The following CHD6 variants were observed in gnomAD, a reference collection of about 807,000 sequenced individuals.
The protein encoded by CHD6 is ATP-dependent chromatin remodeler CHD6.
CHD6 carries 50 observed loss-of-function variants against 276.9 expected under a neutral mutation model. The observed-to-expected ratio is 0.18, with a 90% CI of 0.14 to 0.23. CHD6 has a LOEUF of 0.23. CHD6 is among the 10% of genes least tolerant of loss of function. CHD6 has a pLI of 1.00. For synonymous variants in CHD6, 1,173 were observed against 1,229.3 expected, an observed-to-expected ratio of 0.95 and a Z score of 0.96; for missense variants, 2,564 against 3,365.8, an observed-to-expected ratio of 0.76 and a Z score of 5.89.
chr20:41,425,415 A>T, intron 28 of CHD6, 21 bp from the exon 29 acceptor site: 1 of 1,600,738 alleles, frequency 6.2e-7, no homozygotes. Flanking sequence ...CAGTGAGGAT[A>T]TTAGTATTTA....
At chr20:41,588,810 T>A (rs1286595387) in intron 1 of CHD6, among the ~76,000 whole-genome samples, 1 of 152,152 alleles carries the variant, frequency 6.6e-6, no homozygotes, top group Non-Finnish European at 1.5e-5. Flanking sequence ...GATCTCCCCT[T>A]TCTCCCCTTA....
At chr20:41,611,585 G>A (rs749886071) in intron 1 of CHD6, among the ~76,000 whole-genome samples, 10 of 151,908 alleles carry the variant, frequency 6.6e-5, no homozygotes, top group South Asian at 2.1e-4. Flanking sequence ...ACCCTAGGTG[G>A]TCTATTTCAG....
intron 1 of CHD6, among the ~76,000 whole-genome samples, chr20:41,570,604 G>C (rs545638157): frequency 6.6e-6 from 1 of 152,282 alleles, no homozygotes; most frequent in Non-Finnish European, 1.5e-5. Context: ...TAGATTCTCA[G>C]CCTTCTGTGA....
intron 3 of CHD6, among the ~76,000 whole-genome samples, chr20:41,520,828 A>T (rs1055423492): frequency 2.0e-5 from 3 of 151,884 alleles, no homozygotes; most frequent in South Asian, 2.1e-4. Context: ...AATAATAATT[A>T]AAAAAAAATT....
chr20:41,445,613 C>G, intron 25 of CHD6, 52 bp downstream of exon 25: 2 of 1,236,468 alleles, frequency 1.6e-6, no homozygotes, highest in Non-Finnish European at 2.4e-6. Flanking sequence ...CTGAACTCAT[C>G]CTTCCTGGGG....
intron 31 of CHD6, 120 bp downstream of exon 31, chr20:41,420,388 G>A: frequency 9.2e-7 from 1 of 1,086,268 alleles, no homozygotes; most frequent in South Asian, 1.5e-5. Context: ...CCTTTGGTGA[G>A]GGTAGGCAGG....
intron 2 of CHD6, among the ~76,000 whole-genome samples, chr20:41,537,645 T>C (rs1460562310): frequency 6.6e-6 from 1 of 151,994 alleles, no homozygotes; most frequent in Non-Finnish European, 1.5e-5. Context: ...TACAAGTCAA[T>C]AATAAAAAAG....
chr20:41,610,383 T>C (rs1314079399), intron 1 of CHD6, among the ~76,000 whole-genome samples: 1 of 152,006 alleles, frequency 6.6e-6, no homozygotes, highest in African/African-American at 2.4e-5. Context: ...TTTAAACATA[T>C]TGGAAAGGGA....
At chr20:41,450,814 A>AATC (rs1266579165) in intron 23 of CHD6, 132 bp downstream of exon 23, 2 of 817,800 alleles carry the variant, frequency 2.4e-6, no homozygotes, top group Non-Finnish European at 4.0e-6. Context: ...GACCACAGAT[A>AATC]ACACATCCTG....
rs551683013 is a variant in CHD6 at position 41,617,901 on chromosome 20, C to T, written c.-24+439G>A. On this transcript the variant is annotated intron_variant, in intron 1 of 36. Coordinates refer to ENST00000373233, the MANE Select transcript of CHD6 (RefSeq NM_032221.5). The stretch of plus-strand genomic sequence containing the variant: ...GCGGCGGGAATAGCGGTCACCCCCG[C>T]CCCGCCCCAGCGCGGCTGGGCCCGG... Among the ~76,000 whole-genome samples the T allele has an allele frequency of 1.5e-3, 216 of 148,454 alleles. 1 individual carries two copies. In the South Asian group the frequency reaches 0.019, roughly 13 times the overall value.
At chr20:41,514,014 A>G (rs1396634878) in intron 4 of CHD6, among the ~76,000 whole-genome samples, 1 of 152,202 alleles carries the variant, frequency 6.6e-6, no homozygotes, top group Non-Finnish European at 1.5e-5. Context: ...TAGACACTTA[A>G]CAGCCACCAG....
At chr20:41,560,770 C>T (rs2045292892) in intron 1 of CHD6, among the ~76,000 whole-genome samples, 1 of 150,842 alleles carries the variant, frequency 6.6e-6, no homozygotes. Flanking sequence ...CAGTATTCTT[C>T]CTTCACACCT....
chr20:41,436,773 G>A (rs1453645752), intron 27 of CHD6, among the ~76,000 whole-genome samples: 1 of 152,150 alleles, frequency 6.6e-6, no homozygotes, highest in Non-Finnish European at 1.5e-5. Context: ...TTTACATACT[G>A]TATGATTCCA....
At chr20:41,470,752 T>G (rs747882462) in intron 17 of CHD6, among the ~76,000 whole-genome samples, 1 of 152,232 alleles carries the variant, frequency 6.6e-6, no homozygotes, top group Non-Finnish European at 1.5e-5. Flanking sequence ...CCTTCTCCAC[T>G]AGGTTTGACT....
At position 41,404,493 on chromosome 20, in the gene CHD6, T is replaced by C. The variant is rs1023429103; in HGVS notation, c.*100A>G. The stretch of plus-strand genomic sequence containing the variant: ...GAAATCAGGTACGTAATCTTACTTA[T>C]GGAAACACAGGTTCTTATGGAGGTG... On this transcript the variant is annotated 3_prime_UTR_variant, in exon 37 of 37. Transcript: ENST00000373233. 5.7e-6 allele frequency: 8 copies of C among 1,411,950 alleles called. No homozygotes were observed. The African/African-American group carries it at 7.1e-5, about 13-fold the overall frequency. 87.5% of individuals were successfully genotyped at this position (1,411,950 alleles called of 1,614,324 possible).
At position 41,451,051 on chromosome 20, in the gene CHD6, A is replaced by G; in HGVS notation, c.3578T>C (p.Leu1193Ser). The G allele has an allele frequency of 6.2e-7, 1 of 1,614,002 alleles. No homozygotes were observed. The highest frequency in any genetic ancestry group is 8.5e-7 in the Non-Finnish European group (1 of 1,179,870). The change falls in exon 23 of 37, where the codon TTG becomes TCG. Residue 1193 changes from leucine to serine, a missense_variant. By Grantham distance (145) the Leu-to-Ser change is moderately radical. Transcript: ENST00000373233. ...GRKGKKTKNQLLIPELKDADW... is the reference protein window; with the variant it reads ...GRKGKKTKNQSLIPELKDADW... ...TGCATCCTTTAGCTCTGGGATTAGC[A>G]ACTGGTTCTTCGTCTTCTTCCCCTT...
intron 1 of CHD6, among the ~76,000 whole-genome samples, chr20:41,578,384 T>A (rs537598559): frequency 4.6e-5 from 7 of 152,336 alleles, no homozygotes; most frequent in African/African-American, 1.7e-4. Flanking sequence ...AATAAATGAA[T>A]TTCCTCACAG....
chr20:41,497,705 G>C (rs2043721822), intron 7 of CHD6: 1 of 567,332 alleles, frequency 1.8e-6, no homozygotes, highest in South Asian at 2.0e-5. Context: ...CCAAGCAACT[G>C]ATCTCTCTGC....
intron 14 of CHD6, among the ~76,000 whole-genome samples, chr20:41,487,055 A>G (rs2043432615): frequency 6.6e-6 from 1 of 152,176 alleles, no homozygotes; most frequent in African/African-American, 2.4e-5. Context: ...TATTTCTATA[A>G]TCCCTAGTGG....
Sources: gnomAD v4.1 joint callset for allele counts (sites outside exome capture counted in the v4.1 genomes callset) on GRCh38, gnomAD v4.1.1 for gene constraint, MANE v1.5 for transcripts, NCBI Gene and HGNC (gene_info 2026-07-23, HGNC 2026-07-21) for gene names.